The following BMP6 variants were observed in gnomAD, a reference collection of about 807,000 sequenced individuals.
The protein encoded by BMP6 is VG-1-R.
Under a neutral mutation model 54.1 loss-of-function variants are expected in BMP6, and 17 were observed. That is an observed-to-expected ratio of 0.31 (90% confidence interval 0.22 to 0.47). The LOEUF is 0.47. Ranked by LOEUF, BMP6 falls within the 20% of genes least tolerant of loss-of-function variation. The pLI, the probability that BMP6 is intolerant of heterozygous loss-of-function variation, is 1.00. For missense variants in BMP6, 720 were observed against 690.4 expected (o/e 1.04, Z -0.48); for synonymous variants, 328 against 291.2 (o/e 1.13, Z -1.28).
intron 1 of BMP6, among the ~76,000 whole-genome samples, chr6:7,826,611 C>T (rs539053338): frequency 1.3e-5 from 2 of 152,354 alleles, no homozygotes; most frequent in African/African-American, 4.8e-5. Context: ...GGGAAAGACA[C>T]TAATAGTCAA....
chr6:7,835,108 G>A (rs990697318), intron 1 of BMP6, among the ~76,000 whole-genome samples: 2 of 136,676 alleles, frequency 1.5e-5, no homozygotes, highest in Admixed American at 7.8e-5. Flanking sequence ...CAGATCACCC[G>A]GGAAGGAATG....
chr6:7,733,672 A>G (rs1170244262), intron 1 of BMP6, among the ~76,000 whole-genome samples: 1 of 152,224 alleles, frequency 6.6e-6, no homozygotes, highest in East Asian at 1.9e-4. Context: ...CCCTGTTTTC[A>G]TCACGACAGC....
rs143499959 is a variant in BMP6, at chr6:7,735,495, A to C, written c.664+7876A>C. 6.6e-3 allele frequency among the ~76,000 whole-genome samples: 1,001 copies of C among 152,330 alleles called. 16 individuals are homozygous for C. Among genetic ancestry groups the C allele is most frequent in the African/African-American group, 0.023 (948 of 41,560 alleles). ...ACAAAATTAAGGACTAAAAGTTTTT[A>C]CTTAATTTTGATTTTTATTCAGATT... On this transcript the variant is annotated intron_variant, in intron 1 of 6. Coordinates refer to ENST00000283147, the MANE Select transcript of BMP6 (RefSeq NM_001718.6).
intron 1 of BMP6, among the ~76,000 whole-genome samples, chr6:7,773,712 G>A (rs971154042): frequency 1.3e-5 from 2 of 152,192 alleles, no homozygotes; most frequent in Non-Finnish European, 2.9e-5. Flanking sequence ...TATTCTAAGG[G>A]AAGCCTTCTA....
At chr6:7,795,333 T>G (rs145231209) in intron 1 of BMP6, among the ~76,000 whole-genome samples, 2 of 152,022 alleles carry the variant, frequency 1.3e-5, no homozygotes, top group Non-Finnish European at 2.9e-5. Flanking sequence ...AAGGACAGAG[T>G]CAAGTCCTAA....
intron 1 of BMP6, among the ~76,000 whole-genome samples, chr6:7,783,288 T>C (rs1304589990): frequency 1.3e-5 from 2 of 152,248 alleles, no homozygotes; most frequent in African/African-American, 2.4e-5. Context: ...AAAGTGGAAC[T>C]ATCTTCTCCA....
intron 1 of BMP6, among the ~76,000 whole-genome samples, chr6:7,807,805 A>T (rs1306755145): frequency 6.6e-6 from 1 of 152,120 alleles, no homozygotes; most frequent in Non-Finnish European, 1.5e-5. Flanking sequence ...CTTCCATTAC[A>T]CTTCAGGTAC....
At chr6:7,807,219 G>T (rs1321113766) in intron 1 of BMP6, among the ~76,000 whole-genome samples, 1 of 152,202 alleles carries the variant, frequency 6.6e-6, no homozygotes, top group Non-Finnish European at 1.5e-5. Context: ...ACAAAGGGCA[G>T]CAGTTCTCAA....
chr6:7,844,873 C>T (rs1427848623), intron 1 of BMP6, among the ~76,000 whole-genome samples: 4 of 152,150 alleles, frequency 2.6e-5, no homozygotes, highest in African/African-American at 9.7e-5. Flanking sequence ...ATAACTTGCT[C>T]TCATGCAAAT....
chr6:7,841,140 A>G (rs1012604260), intron 1 of BMP6, among the ~76,000 whole-genome samples: 7 of 152,234 alleles, frequency 4.6e-5, no homozygotes, highest in Non-Finnish European at 8.8e-5. Context: ...TATTATTTCA[A>G]TTTACCTGAT....
intron 4 of BMP6, among the ~76,000 whole-genome samples, chr6:7,874,302 TA>T (rs1759572323): frequency 6.6e-6 from 1 of 152,192 alleles, no homozygotes; most frequent in South Asian, 2.1e-4. Flanking sequence ...GGGTTGCTAA[TA>T]AACACATCAC....
At chr6:7,834,404 T>C (rs1417618074) in intron 1 of BMP6, among the ~76,000 whole-genome samples, 1 of 151,336 alleles carries the variant, frequency 6.6e-6, no homozygotes, top group African/African-American at 2.4e-5. Context: ...AGTTAGAAAA[T>C]GCAAGACAAT....
chr6:7,764,696 G>T (rs1443747596), intron 1 of BMP6, among the ~76,000 whole-genome samples: 1 of 152,106 alleles, frequency 6.6e-6, no homozygotes, highest in East Asian at 1.9e-4. Flanking sequence ...GCCCATGCCG[G>T]ATTCAAACTC....
chr6:7,734,721 T>A (rs1761927146), intron 1 of BMP6, among the ~76,000 whole-genome samples: 1 of 152,250 alleles, frequency 6.6e-6, no homozygotes, highest in South Asian at 2.1e-4. Context: ...ACTGATTCTC[T>A]TCCTGCCCTT....
intron 1 of BMP6, among the ~76,000 whole-genome samples, chr6:7,810,521 G>C (rs1581257448): frequency 6.6e-6 from 1 of 152,078 alleles, no homozygotes; most frequent in East Asian, 1.9e-4. Flanking sequence ...GTACTGACTT[G>C]GTTCCAGACA....
chr6:7,824,041 G>A (rs1278687540), intron 1 of BMP6, among the ~76,000 whole-genome samples: 1 of 152,206 alleles, frequency 6.6e-6, no homozygotes, highest in Non-Finnish European at 1.5e-5. Context: ...ATGTTAGGTG[G>A]CTGTTGCAGT....
At chr6:7,748,748 C>T (rs1284081342) in intron 1 of BMP6, among the ~76,000 whole-genome samples, 2 of 152,184 alleles carry the variant, frequency 1.3e-5, no homozygotes, top group African/African-American at 4.8e-5. Context: ...AGATAATCAT[C>T]ATGTCCTGAG....
chr6:7,762,440 C>G (rs933982382), intron 1 of BMP6, among the ~76,000 whole-genome samples: 5 of 152,188 alleles, frequency 3.3e-5, no homozygotes, highest in Non-Finnish European at 2.9e-5. Context: ...TAGTCCTGGG[C>G]ACTGACTTTT....
At chr6:7,782,963 A>G (rs1757969219) in intron 1 of BMP6, among the ~76,000 whole-genome samples, 1 of 152,212 alleles carries the variant, frequency 6.6e-6, no homozygotes. Context: ...GAACTTTGCA[A>G]CATGGCGGTC....
Sources: gnomAD v4.1 joint callset for allele counts (sites outside exome capture counted in the v4.1 genomes callset) on GRCh38, gnomAD v4.1.1 for gene constraint, MANE v1.5 for transcripts, NCBI Gene and HGNC (gene_info 2026-07-23, HGNC 2026-07-21) for gene names.